Variants in TMEM114 observed in about 807,000 individuals in gnomAD.
TMEM114 encodes claudin-26.
A neutral mutation model predicts 6.2 loss-of-function variants in TMEM114; 6 were observed. The observed-to-expected ratio is 0.97, with a 90% CI of 0.53 to 1.91. The LOEUF (loss-of-function observed/expected upper bound fraction) is 1.91. Among genes scored for constraint, TMEM114 ranks in the 40% most tolerant of loss-of-function variants. The probability of loss-of-function intolerance (pLI) is 0.01; values close to 1 mark genes in which losing one functional copy is unlikely to be tolerated. For synonymous variants in TMEM114, 104 were observed against 73.0 expected (o/e 1.42, Z -2.16); for missense variants, 218 against 158.3 (o/e 1.38, Z -2.02).
chr16:8,542,414 C>G (rs916565489), intron 2 of TMEM114, among the ~76,000 whole-genome samples: 3 of 152,140 alleles, frequency 2.0e-5, no homozygotes, highest in Non-Finnish European at 4.4e-5. Flanking sequence ...TTAGTCATCC[C>G]AGGTCATTTT....
the TMEM114 span, among the ~76,000 whole-genome samples, chr16:8,527,959 G>C: frequency 6.6e-6 from 1 of 152,034 alleles, no homozygotes; most frequent in African/African-American, 2.4e-5. Context: ...CCAGGCTGGA[G>C]TGCAGTGGTG....
rs187148707 is a variant in TMEM114 at position 8,570,499 on chromosome 16, T to C, written c.440-494A>G. The stretch of plus-strand genomic sequence containing the variant: ...GATGCCCGCCACCGCGCCCGGCTAA[T>C]GTTTGTATTTTTAGTAGAGACAGGG... On this transcript the variant is annotated intron_variant, in intron 3 of 3. Transcript: ENST00000620492. Among the ~76,000 whole-genome samples the C allele has an allele frequency of 3.7e-3, 561 of 152,242 alleles. 4 individuals carry two copies. Among genetic ancestry groups the C allele is most frequent in the African/African-American group, 0.013 (540 of 41,544 alleles).
At chr16:8,568,276 G>GC (rs916595303), downstream of TMEM114, among the ~76,000 whole-genome samples, 7 of 152,128 alleles carry the variant, frequency 4.6e-5, no homozygotes, top group South Asian at 8.3e-4. Context: ...AGGAGTCATT[G>GC]CCCCCCCAGT....
rs114603363 is a variant in TMEM114 at position 8,575,894 on chromosome 16, C to A, written c.302-3670G>T. Among the ~76,000 whole-genome samples, 621 of 152,314 alleles carry A rather than the reference C, an allele frequency of 4.1e-3. 4 individuals carry two copies. Among genetic ancestry groups the A allele is most frequent in the African/African-American group, 0.014 (597 of 41,570 alleles). On this transcript the variant is annotated intron_variant, in intron 2 of 3. Transcript: ENST00000620492. ...AAGCCTGTTACAACCAAACACAGAT[C>A]TCTCAGGCCGGGAGACCTGATTCCC...
intron 2 of TMEM114, among the ~76,000 whole-genome samples, chr16:8,555,135 C>T (rs1900966945): frequency 6.6e-6 from 1 of 152,196 alleles, no homozygotes; most frequent in African/African-American, 2.4e-5. Flanking sequence ...GTTTATCATG[C>T]ACATTTCCTG....
At chr16:8,553,700 C>A (rs1369773049) in intron 2 of TMEM114, among the ~76,000 whole-genome samples, 1 of 152,076 alleles carries the variant, frequency 6.6e-6, no homozygotes, top group African/African-American at 2.4e-5. Flanking sequence ...CCAGGATGGT[C>A]TTGATCTCCT....
At chr16:8,584,922 C>CAAAAAAA (rs905674847) in intron 2 of TMEM114, among the ~76,000 whole-genome samples, 2 of 49,128 alleles carry the variant, frequency 4.1e-5, no homozygotes, top group Admixed American at 2.4e-4. Flanking sequence ...AACGCCGTCT[C>CAAAAAAA]AAAAAAAAAA....
intron 2 of TMEM114, among the ~76,000 whole-genome samples, chr16:8,554,916 A>G (rs1401243468): frequency 6.6e-6 from 1 of 152,198 alleles, no homozygotes; most frequent in African/African-American, 2.4e-5. Context: ...TCAAATGCCT[A>G]TAGAGCCTGT....
chr16:8,579,026 T>C (rs1225804386), intron 2 of TMEM114, among the ~76,000 whole-genome samples: 1 of 152,128 alleles, frequency 6.6e-6, no homozygotes, highest in African/African-American at 2.4e-5. Context: ...GTTTCATCAA[T>C]GGTAAACGTG....
At chr16:8,554,175 C>T (rs4786263) in intron 2 of TMEM114, among the ~76,000 whole-genome samples, 63,318 of 151,524 alleles carry the variant, frequency 0.42, 13,586 homozygotes, top group East Asian at 0.52. Flanking sequence ...ATAAGAGATG[C>T]ATTTGAAAGG....
chr16:8,532,562 C>A, the TMEM114 span, among the ~76,000 whole-genome samples: 1 of 152,296 alleles, frequency 6.6e-6, no homozygotes, highest in African/African-American at 2.4e-5. Context: ...TTAAAGAGAA[C>A]GACGTGTCTC....
chr16:8,562,291 A>AGTAT (rs1901264943), intron 2 of TMEM114, among the ~76,000 whole-genome samples: 1 of 151,108 alleles, frequency 6.6e-6, no homozygotes, highest in Non-Finnish European at 1.5e-5. Context: ...TGAGTGAGTG[A>AGTAT]GTGAATGAGT....
intron 2 of TMEM114, among the ~76,000 whole-genome samples, chr16:8,573,522 A>G (rs1409148764): frequency 2.6e-5 from 4 of 152,152 alleles, no homozygotes; most frequent in Non-Finnish European, 5.9e-5. Flanking sequence ...CTCTGTCACT[A>G]TTTGACTCTG....
the TMEM114 span, among the ~76,000 whole-genome samples, chr16:8,527,341 G>A: frequency 1.2e-4 from 18 of 152,192 alleles, no homozygotes; most frequent in African/African-American, 4.3e-4. Context: ...AAAAACCCCA[G>A]CTTTGGTGTC....
intron 2 of TMEM114, among the ~76,000 whole-genome samples, chr16:8,555,980 C>G (rs952876134): frequency 4.6e-5 from 7 of 152,242 alleles, no homozygotes; most frequent in African/African-American, 1.4e-4. Flanking sequence ...GAAGCGCTGT[C>G]TTCCAGCATG....
At chr16:8,551,233 A>C (rs1443972581) in intron 2 of TMEM114, among the ~76,000 whole-genome samples, 1 of 152,156 alleles carries the variant, frequency 6.6e-6, no homozygotes, top group Admixed American at 6.5e-5. Flanking sequence ...TGTTAATTTC[A>C]TGAGGCAGGG....
downstream of TMEM114, among the ~76,000 whole-genome samples, chr16:8,567,077 T>G (rs138568604): frequency 0.16 from 24,427 of 151,254 alleles, 2,277 homozygotes; most frequent in Non-Finnish European, 0.21. Context: ...TTTTTTTTTT[T>G]TTTGTATTTT....
At chr16:8,566,200 T>C (rs59575378), downstream of TMEM114, among the ~76,000 whole-genome samples, 105,697 of 151,846 alleles carry the variant, frequency 0.7, 36,820 homozygotes, top group East Asian at 0.78. Context: ...AAAACCGCAT[T>C]TCTACTAAAA....
intron 2 of TMEM114, among the ~76,000 whole-genome samples, chr16:8,551,930 A>G (rs530203629): frequency 4.6e-5 from 7 of 152,370 alleles, no homozygotes; most frequent in African/African-American, 1.7e-4. Flanking sequence ...CAAATGCAAC[A>G]AAGTGGATAG....
Sources: allele counts gnomAD v4.1 joint callset (sites outside exome capture counted in the v4.1 genomes callset), GRCh38; gene constraint gnomAD v4.1.1; transcripts MANE v1.5; gene names NCBI Gene and HGNC (gene_info 2026-07-23, HGNC 2026-07-21).